HTR4: variants seen among roughly 807,000 people sequenced by gnomAD.
The protein encoded by HTR4 is 5-hydroxytryptamine receptor 4, also known as 5-hydroxytryptamine (serotonin) receptor 4, G protein-coupled.
Under a neutral mutation model 36.8 loss-of-function variants are expected in HTR4, and 16 were observed. The observed-to-expected ratio is 0.43, with a 90% CI of 0.29 to 0.66. The LOEUF (loss-of-function observed/expected upper bound fraction) is 0.66, where lower values mean the gene tolerates loss of function less well. HTR4 is among the 30% of genes least tolerant of loss of function. The pLI is 0.13. For synonymous variants in HTR4, 189 were observed against 185.1 expected, an observed-to-expected ratio of 1.02 and a Z score of -0.17; for missense variants, 438 against 490.9, an observed-to-expected ratio of 0.89 and a Z score of 1.02.
intron 1 of HTR4, 67 bp from the exon 2 acceptor site, chr5:148,637,128 T>C: frequency 1.9e-6 from 2 of 1,027,014 alleles, no homozygotes; most frequent in Non-Finnish European, 3.0e-6. Context: ...GTCCTTGTTT[T>C]AAAAAACTCA....
At chr5:148,607,737 G>A (rs1363419904) in intron 2 of HTR4, among the ~76,000 whole-genome samples, 1 of 152,100 alleles carries the variant, frequency 6.6e-6, no homozygotes, top group Non-Finnish European at 1.5e-5. Context: ...ATGTGTAGTA[G>A]CTATCAGAAT....
chr5:148,615,369 T>C (rs1222530456), intron 2 of HTR4, among the ~76,000 whole-genome samples: 2 of 151,762 alleles, frequency 1.3e-5, no homozygotes, highest in Non-Finnish European at 2.9e-5. Context: ...GATGAGTTCA[T>C]GTCCTTTGTA....
At chr5:148,489,314 A>G (rs1756303835) in intron 6 of HTR4, among the ~76,000 whole-genome samples, 1 of 152,168 alleles carries the variant, frequency 6.6e-6, no homozygotes, top group South Asian at 2.1e-4. Flanking sequence ...GAGTATCTAG[A>G]GAGTGGTGGG....
chr5:148,651,372 A>G (rs1306611054), intron 1 of HTR4, among the ~76,000 whole-genome samples: 6 of 152,176 alleles, frequency 3.9e-5, no homozygotes, highest in Admixed American at 3.9e-4. Context: ...ACAGCAATTC[A>G]TCTATTTATT....
At chr5:148,502,929 G>T (rs1757006756) in intron 6 of HTR4, among the ~76,000 whole-genome samples, 1 of 152,176 alleles carries the variant, frequency 6.6e-6, no homozygotes, top group Admixed American at 6.5e-5. Flanking sequence ...GAAGTGAGAA[G>T]AGAAGTTTAG....
In HTR4 at chr5:148,548,873, G is replaced by C. The variant is rs774557711; in HGVS notation, c.153-5C>G. 3.1e-6 allele frequency: 5 copies of C among 1,610,074 alleles called. No homozygotes were observed. The East Asian group carries it at 1.1e-4, about 36-fold the overall frequency. On this transcript the variant is annotated splice_polypyrimidine_tract_variant and splice_region_variant and intron_variant, in intron 3 of 6. Coordinates refer to ENST00000377888, the MANE Select transcript of HTR4 (RefSeq NM_000870.7). Reference sequence around the variant, plus strand: ...AAATAATTTGTTTTTATTTTCCTGTGAGTGAAAAAGTGTAAGAGAGGAGGC... The same window carrying C: ...AAATAATTTGTTTTTATTTTCCTGTCAGTGAAAAAGTGTAAGAGAGGAGGC...
intron 4 of HTR4, among the ~76,000 whole-genome samples, chr5:148,531,872 A>T (rs1354965066): frequency 1.3e-5 from 2 of 152,094 alleles, no homozygotes; most frequent in African/African-American, 4.8e-5. Flanking sequence ...ACCAGGGGTG[A>T]CTTTGCTCAC....
In HTR4 at chr5:148,528,770, A is replaced by G. The variant is rs150604648; in HGVS notation, c.354-5424T>C. Among the ~76,000 whole-genome samples, 119 of 152,200 alleles carry G rather than the reference A, an allele frequency of 7.8e-4. 2 individuals carry two copies. The highest frequency in any genetic ancestry group is 2.8e-3 in the African/African-American group (116 of 41,558). On this transcript the variant is annotated intron_variant, in intron 4 of 6. Coordinates refer to ENST00000377888, the MANE Select transcript of HTR4 (RefSeq NM_000870.7). Reference sequence around the variant, plus strand: ...ATCATGAACTATTCCTGCAACACATAAACACCACCACTAGACAGAATTAGC... The same window carrying G: ...ATCATGAACTATTCCTGCAACACATGAACACCACCACTAGACAGAATTAGC...
At chr5:148,473,261 C>G (rs1244907804), downstream of HTR4, among the ~76,000 whole-genome samples, 1 of 145,840 alleles carries the variant, frequency 6.9e-6, no homozygotes, top group African/African-American at 2.6e-5. Context: ...GAGATCGCGC[C>G]ACTGCATTCC....
chr5:148,593,345 T>C (rs1274391098), intron 2 of HTR4, among the ~76,000 whole-genome samples: 2 of 152,174 alleles, frequency 1.3e-5, no homozygotes. Context: ...GTAGTATAAA[T>C]TTGAACCACA....
chr5:148,632,742 G>C (rs6869075), intron 2 of HTR4, among the ~76,000 whole-genome samples: 1 of 151,928 alleles, frequency 6.6e-6, no homozygotes, highest in African/African-American at 2.4e-5. Flanking sequence ...ATAATAAACA[G>C]CCAGAAAAAA....
intron 2 of HTR4, among the ~76,000 whole-genome samples, chr5:148,635,130 T>C (rs1008120106): frequency 6.6e-6 from 1 of 152,152 alleles, no homozygotes; most frequent in African/African-American, 2.4e-5. Flanking sequence ...CTATTATAAG[T>C]GGCAAAATAT....
chr5:148,462,611 C>A (rs1185890488), intron 5 of HTR4, among the ~76,000 whole-genome samples: 1 of 152,044 alleles, frequency 6.6e-6, no homozygotes, highest in East Asian at 1.9e-4. Flanking sequence ...TATACCAATT[C>A]TCTAAATCTG....
chr5:148,601,318 G>T (rs1418142840), intron 2 of HTR4, among the ~76,000 whole-genome samples: 1 of 152,116 alleles, frequency 6.6e-6, no homozygotes, highest in Non-Finnish European at 1.5e-5. Context: ...TACCATATGA[G>T]ACAGCAATCC....
intron 1 of HTR4, among the ~76,000 whole-genome samples, chr5:148,639,162 T>C (rs1467951210): frequency 6.6e-6 from 1 of 152,184 alleles, no homozygotes; most frequent in Non-Finnish European, 1.5e-5. Flanking sequence ...TTTCTTTCTC[T>C]GAATTACTCA....
At chr5:148,529,621 T>C (rs1230328121) in intron 4 of HTR4, among the ~76,000 whole-genome samples, 1 of 152,140 alleles carries the variant, frequency 6.6e-6, no homozygotes, top group African/African-American at 2.4e-5. Flanking sequence ...AGCATGAAAA[T>C]GGACTAATAC....
At position 148,466,585 on chromosome 5, in the gene HTR4, A is replaced by G. The variant is rs551438056; in HGVS notation, c.1077-15313T>C. Among the ~76,000 whole-genome samples, 24 of 152,312 alleles carry G rather than the reference A, an allele frequency of 1.6e-4. No homozygotes were observed. The South Asian group carries it at 5.0e-3, about 32-fold the overall frequency. ...CTGAGAGTTAAATGTCCAGAATTCT[A>G]ATCCCAGCTCCATTACTAAGTAGCC... is the stretch of plus-strand genomic sequence containing the variant. On this transcript the variant is annotated intron_variant, in intron 5 of 5. Coordinates refer to the HTR4 transcript ENST00000521530.
At chr5:148,494,369 T>C (rs1756588740) in intron 6 of HTR4, among the ~76,000 whole-genome samples, 1 of 152,174 alleles carries the variant, frequency 6.6e-6, no homozygotes, top group Non-Finnish European at 1.5e-5. Context: ...ACAAAAAATA[T>C]ATGGTAAGTT....
chr5:148,549,058 A>G (rs1458418916), intron 3 of HTR4, among the ~76,000 whole-genome samples, 190 bp from the exon 4 acceptor site: 1 of 152,146 alleles, frequency 6.6e-6, no homozygotes, highest in African/African-American at 2.4e-5. Context: ...CTTCTGTAAC[A>G]TGGCTGAGAA....
Sources: allele counts gnomAD v4.1 joint callset (sites outside exome capture counted in the v4.1 genomes callset), GRCh38; gene constraint gnomAD v4.1.1; transcripts MANE v1.5; gene names NCBI Gene and HGNC (gene_info 2026-07-23, HGNC 2026-07-21).